The following GALNTL6 variants were observed in gnomAD, a reference collection of about 807,000 sequenced individuals.
GALNTL6 encodes the protein polypeptide N-acetylgalactosaminyltransferase like 6.
In GALNTL6, 46 loss-of-function variants were observed where a neutral mutation model predicts 73.7. The ratio of observed to expected loss-of-function variants is 0.62; its 90% CI spans 0.49 to 0.80. The LOEUF (loss-of-function observed/expected upper bound fraction) is 0.80. GALNTL6 is among the 30% of genes least tolerant of loss of function. The pLI is 0.00. For synonymous variants in GALNTL6, 259 were observed against 263.7 expected (o/e 0.98, Z 0.17); for missense variants, 604 against 755.0 (o/e 0.80, Z 2.34).
chr4:171,959,815 CAT>C (rs1286417119), intron 2 of GALNTL6, among the ~76,000 whole-genome samples: 4 of 152,320 alleles, frequency 2.6e-5, no homozygotes, highest in African/African-American at 9.6e-5. Flanking sequence ...AAATGAGTGA[CAT>C]GTTTGCCTGA....
At chr4:172,334,697 C>T (rs1304459122) in intron 4 of GALNTL6, among the ~76,000 whole-genome samples, 1 of 152,086 alleles carries the variant, frequency 6.6e-6, no homozygotes, top group Non-Finnish European at 1.5e-5. Context: ...TTTATCTTTT[C>T]ATATTTGGTT....
chr4:172,554,813 C>T lies in GALNTL6; in HGVS notation c.553+206124C>T, dbSNP rs1736086024. On this transcript the variant is annotated intron_variant, in intron 5 of 12. Transcript: ENST00000506823. ...ATTGCGCAATTTGTCCATTCTACTACTAATGAAAATCTGAGTGGTTCCCAG... is the reference window on the plus strand; with the variant it reads ...ATTGCGCAATTTGTCCATTCTACTATTAATGAAAATCTGAGTGGTTCCCAG... Among the ~76,000 whole-genome samples, 8 of 152,128 alleles carry T rather than the reference C, an allele frequency of 5.3e-5. 1 individual carries two copies. In the South Asian group the frequency reaches 1.7e-3, roughly 31 times the overall value.
intron 5 of GALNTL6, among the ~76,000 whole-genome samples, chr4:172,442,640 G>A (rs1274115225): frequency 6.6e-6 from 1 of 152,038 alleles, no homozygotes; most frequent in Admixed American, 6.6e-5. Context: ...GTCGTATTCC[G>A]CTCATGCCTT....
intron 5 of GALNTL6, among the ~76,000 whole-genome samples, chr4:172,532,047 C>T (rs977966334): frequency 7.2e-5 from 11 of 152,238 alleles, no homozygotes; most frequent in South Asian, 6.2e-4. Flanking sequence ...GTGCGGCTGA[C>T]GTGGGTAGAT....
intron 7 of GALNTL6, among the ~76,000 whole-genome samples, chr4:172,875,546 T>C (rs1394158102): frequency 3.9e-5 from 6 of 152,276 alleles, no homozygotes; most frequent in African/African-American, 1.4e-4. Context: ...GGAGACAAGA[T>C]GTGTTCTGCC....
intron 9 of GALNTL6, among the ~76,000 whole-genome samples, chr4:172,935,777 G>A (rs1054148726): frequency 1.3e-5 from 2 of 152,186 alleles, no homozygotes; most frequent in Non-Finnish European, 2.9e-5. Context: ...GTCTGAAATT[G>A]AGGCAGTAAT....
chr4:172,410,779 T>A (rs1306269454), intron 5 of GALNTL6, among the ~76,000 whole-genome samples: 1 of 152,134 alleles, frequency 6.6e-6, no homozygotes, highest in African/African-American at 2.4e-5. Context: ...TACTGGGCTT[T>A]TTTATTGGCT....
At chr4:171,942,241 G>GATAGATAAATAAATAAATAA (rs1370018816) in intron 2 of GALNTL6, among the ~76,000 whole-genome samples, 9 of 30,206 alleles carry the variant, frequency 3.0e-4, no homozygotes, top group Non-Finnish European at 1.1e-3. Flanking sequence ...AAAATAAATA[G>GATAGATAAATAAATAAATAA]ATAAATAAAT....
chr4:172,798,277 T>G (rs965891787), intron 5 of GALNTL6, among the ~76,000 whole-genome samples: 1 of 152,202 alleles, frequency 6.6e-6, no homozygotes, highest in Non-Finnish European at 1.5e-5. Flanking sequence ...AAATCTCATG[T>G]CAAATTATAA....
rs78394757 is a variant in GALNTL6, at chr4:172,148,417, C to G, written c.139-81239C>G. ...AGAAATCAGATTAGGAAATTAATAG[C>G]AACCAAAAACGTATTGTTAGCCAGA... is the stretch of plus-strand genomic sequence containing the variant. On this transcript the variant is annotated intron_variant, in intron 2 of 12. Coordinates refer to ENST00000506823, the MANE Select transcript of GALNTL6 (RefSeq NM_001034845.3). Among the ~76,000 whole-genome samples the G allele has an allele frequency of 9.8e-3, 1,489 of 152,126 alleles. 26 individuals carry two copies. The highest frequency in any genetic ancestry group is 0.034 in the African/African-American group (1,397 of 41,498).
intron 2 of GALNTL6, among the ~76,000 whole-genome samples, chr4:172,111,269 C>T (rs931428603): frequency 2.0e-5 from 3 of 151,862 alleles, no homozygotes; most frequent in Non-Finnish European, 2.9e-5. Context: ...CCACCCAGCC[C>T]GGTCTTACAA....
intron 8 of GALNTL6, among the ~76,000 whole-genome samples, chr4:172,887,270 T>A (rs1745771499): frequency 1.3e-5 from 2 of 152,338 alleles, no homozygotes; most frequent in South Asian, 2.1e-4. Flanking sequence ...GTATTTGTTA[T>A]CATGAATAGT....
intron 4 of GALNTL6, among the ~76,000 whole-genome samples, chr4:172,326,485 GA>G (rs1358158699): frequency 6.6e-6 from 1 of 151,868 alleles, no homozygotes; most frequent in Non-Finnish European, 1.5e-5. Context: ...TCTTTGCTTT[GA>G]AATTCATTTT....
intron 5 of GALNTL6, among the ~76,000 whole-genome samples, chr4:172,787,658 A>G (rs2110917589): frequency 6.6e-6 from 1 of 152,334 alleles, no homozygotes; most frequent in Admixed American, 6.5e-5. Context: ...TAGGGGGCTG[A>G]AATCACCAGG....
At chr4:171,960,689 A>G (rs1165809625) in intron 2 of GALNTL6, among the ~76,000 whole-genome samples, 4 of 23,514 alleles carry the variant, frequency 1.7e-4, no homozygotes, top group African/African-American at 9.7e-4. Context: ...GTCTTTATTT[A>G]AAAAAAAAAA....
chr4:172,866,013 T>A (rs1412177177), intron 7 of GALNTL6, among the ~76,000 whole-genome samples: 1 of 152,174 alleles, frequency 6.6e-6, no homozygotes, highest in Non-Finnish European at 1.5e-5. Context: ...CTTCTTGTGA[T>A]CCTATGTGCT....
chr4:172,474,088 C>T (rs554588923), intron 5 of GALNTL6, among the ~76,000 whole-genome samples: 8 of 152,276 alleles, frequency 5.3e-5, no homozygotes, highest in South Asian at 4.1e-4. Context: ...CAAGCCTACT[C>T]GTTGTTCCTT....
At chr4:172,928,443 A>G (rs1047504373) in intron 8 of GALNTL6, among the ~76,000 whole-genome samples, 2 of 152,256 alleles carry the variant, frequency 1.3e-5, no homozygotes, top group African/African-American at 4.8e-5. Context: ...TGAAAAGGGC[A>G]TAATTAGCAT....
At chr4:172,046,556 A>G (rs1176882797) in intron 2 of GALNTL6, among the ~76,000 whole-genome samples, 3 of 151,980 alleles carry the variant, frequency 2.0e-5, no homozygotes, top group African/African-American at 7.2e-5. Context: ...TTTTTATAAA[A>G]CCCAGTCTGA....
Sources: allele counts gnomAD v4.1 joint callset (sites outside exome capture counted in the v4.1 genomes callset), GRCh38; gene constraint gnomAD v4.1.1; transcripts MANE v1.5; gene names NCBI Gene and HGNC (gene_info 2026-07-23, HGNC 2026-07-21).